Variants in PSD3 observed in about 807,000 individuals in gnomAD.
The protein encoded by PSD3 is pleckstrin and Sec7 domain containing 3.
Under a neutral mutation model 105.5 loss-of-function variants are expected in PSD3, and 49 were observed. The observed-to-expected ratio is 0.46, with a 90% CI of 0.37 to 0.59. The LOEUF (loss-of-function observed/expected upper bound fraction) is 0.59, where lower values mean the gene tolerates loss of function less well. Ranked by LOEUF, PSD3 falls within the 20% of genes least tolerant of loss-of-function variation. The pLI is 0.00. For synonymous variants in PSD3, 557 were observed against 457.8 expected, an observed-to-expected ratio of 1.22 and a Z score of -2.77; for missense variants, 1,561 against 1,263.8, an observed-to-expected ratio of 1.24 and a Z score of -3.57.
chr8:18,562,319 A>G (rs1321846499), intron 14 of PSD3, among the ~76,000 whole-genome samples: 2 of 152,206 alleles, frequency 1.3e-5, no homozygotes, highest in Non-Finnish European at 2.9e-5. Context: ...AGATCCAGAG[A>G]GTTCAAGTAA....
chr8:18,702,905 C>G (rs1300200303), intron 9 of PSD3, among the ~76,000 whole-genome samples: 1 of 152,156 alleles, frequency 6.6e-6, no homozygotes, highest in African/African-American at 2.4e-5. Context: ...AGCCACCGCG[C>G]TTGGACAGCT....
intron 9 of PSD3, among the ~76,000 whole-genome samples, chr8:18,735,710 T>G (rs1804099827): frequency 6.6e-6 from 1 of 152,100 alleles, no homozygotes; most frequent in Non-Finnish European, 1.5e-5. Context: ...TCATAAGCAG[T>G]TAGAATCAGT....
chr8:18,538,908 G>C (rs1303834246), intron 15 of PSD3, among the ~76,000 whole-genome samples: 1 of 152,136 alleles, frequency 6.6e-6, no homozygotes. Flanking sequence ...AGACAAAGCA[G>C]AAAAAAGGGG....
At position 18,681,446 on chromosome 8, in the gene PSD3, CAAAAAAAAA is replaced by C. The variant is rs528679351; in HGVS notation, c.2173-25770_2173-25762del. ...ACATACTGAGACATTGTTTCTGTTTCAAAAAAAAAAAAAAAAAAAAAAGAAGAGGAGGAA... is the reference window on the plus strand; with the variant it reads ...ACATACTGAGACATTGTTTCTGTTTCAAAAAAAAAAAAAGAAGAGGAGGAA... On this transcript the variant is annotated intron_variant, in intron 9 of 15. Transcript: ENST00000327040. Among the ~76,000 whole-genome samples, 8 of 62,266 alleles carry C rather than the reference CAAAAAAAAA, an allele frequency of 1.3e-4. 1 individual carries two copies. In the South Asian group the frequency reaches 3.7e-3, roughly 28 times the overall value. 40.8% of individuals were successfully genotyped at this position (62,266 alleles called of 152,430 possible).
intron 2 of PSD3, among the ~76,000 whole-genome samples, chr8:18,887,512 C>G (rs1818518175): frequency 6.6e-6 from 1 of 152,066 alleles, no homozygotes. Flanking sequence ...AGTATAAAAG[C>G]ACCAAATGTA....
intron 11 of PSD3, among the ~76,000 whole-genome samples, chr8:18,615,651 A>G (rs1805603041): frequency 6.6e-6 from 1 of 152,184 alleles, no homozygotes; most frequent in African/African-American, 2.4e-5. Context: ...TAATATCTAG[A>G]GCAGTTTCTA....
intron 4 of PSD3, among the ~76,000 whole-genome samples, chr8:18,824,794 A>T (rs957051853): frequency 6.6e-6 from 1 of 152,142 alleles, no homozygotes; most frequent in Non-Finnish European, 1.5e-5. Flanking sequence ...GTCAAATTAG[A>T]TCCCTAGGCA....
chr8:18,544,785 C>T (rs1441797923), intron 15 of PSD3, among the ~76,000 whole-genome samples: 1 of 152,136 alleles, frequency 6.6e-6, no homozygotes, highest in Non-Finnish European at 1.5e-5. Context: ...CCACACCTCG[C>T]CCCAGGAAGC....
At position 18,872,254 on chromosome 8, in the gene PSD3, T is replaced by C; in HGVS notation, c.610A>G (p.Thr204Ala). Residue 204 changes from threonine (T) to alanine (A), a missense_variant, in exon 3 of 16, where the codon ACA becomes GCA. Thr to Ala is a moderately conservative substitution (Grantham distance 58). Transcript: ENST00000327040. Reference sequence around the variant, plus strand: ...CTCAAATAAAAACTTTCCTCCGTTGTTACTTCAGCTGAAAGAGGTATTTCT... The same window carrying C: ...CTCAAATAAAAACTTTCCTCCGTTGCTACTTCAGCTGAAAGAGGTATTTCT... ...LPEIPLSAEVTTEESFYLSIQ... is the reference protein window; with the variant it reads ...LPEIPLSAEVATEESFYLSIQ... The C allele has an allele frequency of 6.2e-7, 1 of 1,614,212 alleles. No homozygotes were observed. Among genetic ancestry groups the C allele is most frequent in the Non-Finnish European group, 8.5e-7 (1 of 1,180,030 alleles).
At chr8:18,642,189 A>T (rs1807697817) in intron 10 of PSD3, among the ~76,000 whole-genome samples, 1 of 152,148 alleles carries the variant, frequency 6.6e-6, no homozygotes, top group Non-Finnish European at 1.5e-5. Flanking sequence ...AACTTAACCA[A>T]TGGTTAAAAA....
chr8:18,595,434 T>C (rs1175843483), intron 12 of PSD3, among the ~76,000 whole-genome samples: 1 of 91,112 alleles, frequency 1.1e-5, no homozygotes, highest in South Asian at 5.5e-4. Context: ...TGTGGTTGAA[T>C]GTATTGAGAG....
At chr8:19,051,167 C>A (rs1177364865) in intron 1 of PSD3, among the ~76,000 whole-genome samples, 1 of 152,168 alleles carries the variant, frequency 6.6e-6, no homozygotes, top group African/African-American at 2.4e-5. Flanking sequence ...AAACACACAG[C>A]TTCTTAAGCT....
intron 1 of PSD3, among the ~76,000 whole-genome samples, chr8:19,001,315 C>T (rs1826376435): frequency 1.3e-5 from 2 of 151,516 alleles, no homozygotes; most frequent in South Asian, 4.2e-4. Flanking sequence ...GGCCCGTAGA[C>T]TTTATTTATT....
chr8:18,598,682 G>C (rs1804218349), intron 12 of PSD3, among the ~76,000 whole-genome samples: 1 of 151,940 alleles, frequency 6.6e-6, no homozygotes, highest in Non-Finnish European at 1.5e-5. Context: ...AAACCTATTA[G>C]AATAAATAAA....
At chr8:18,953,915 T>C (rs758516107) in intron 1 of PSD3, among the ~76,000 whole-genome samples, 3 of 152,072 alleles carry the variant, frequency 2.0e-5, no homozygotes, top group Non-Finnish European at 4.4e-5. Flanking sequence ...AAGACACACA[T>C]ATATACATAT....
chr8:18,556,443 T>C (rs1801079776), intron 14 of PSD3, 91 bp from the exon 15 acceptor site: 12 of 1,372,762 alleles, frequency 8.7e-6, no homozygotes, highest in African/African-American at 1.4e-5. Flanking sequence ...CTGTGCTGAA[T>C]GACTTTAATT....
chr8:18,548,818 G>A (rs1800598254), intron 15 of PSD3, among the ~76,000 whole-genome samples: 1 of 152,160 alleles, frequency 6.6e-6, no homozygotes. Context: ...CTGGGGGAAA[G>A]GATCTGTAGG....
intron 10 of PSD3, among the ~76,000 whole-genome samples, chr8:18,645,834 C>A (rs928250250): frequency 6.6e-6 from 1 of 152,150 alleles, no homozygotes; most frequent in Non-Finnish European, 1.5e-5. Context: ...TAAATGAATG[C>A]ATTATTCCTT....
intron 9 of PSD3, among the ~76,000 whole-genome samples, chr8:18,661,997 T>C (rs1315712483): frequency 1.3e-5 from 2 of 152,096 alleles, no homozygotes; most frequent in Non-Finnish European, 2.9e-5. Context: ...TGAATTTTTT[T>C]TTTTTCACTT....
Sources: gnomAD v4.1 joint callset for allele counts (sites outside exome capture counted in the v4.1 genomes callset) on GRCh38, gnomAD v4.1.1 for gene constraint, MANE v1.5 for transcripts, NCBI Gene and HGNC (gene_info 2026-07-23, HGNC 2026-07-21) for gene names.